CPXM2: variants seen among roughly 807,000 people sequenced by gnomAD.
CPXM2 encodes the protein carboxypeptidase X, M14 family member 2, also known as inactive carboxypeptidase-like protein X2.
In CPXM2, 66 loss-of-function variants were observed where a neutral mutation model predicts 86.1. The ratio of observed to expected loss-of-function variants is 0.77; its 90% CI spans 0.63 to 0.94. CPXM2 has a LOEUF of 0.94. Among genes scored for constraint, CPXM2 ranks in the 40% least tolerant of loss-of-function variants. The pLI is 0.00. For synonymous variants in CPXM2, 388 were observed against 400.2 expected (o/e 0.97, Z 0.36); for missense variants, 948 against 1,026.3 (o/e 0.92, Z 1.04).
At chr10:123,854,416 A>ATT (rs1475672190) in intron 3 of CPXM2, among the ~76,000 whole-genome samples, 1 of 120,650 alleles carries the variant, frequency 8.3e-6, no homozygotes, top group African/African-American at 3.4e-5. Context: ...TTATATATAA[A>ATT]ATATATAATA....
At chr10:123,766,077 C>A (rs1262826108) in intron 10 of CPXM2, among the ~76,000 whole-genome samples, 2 of 152,158 alleles carry the variant, frequency 1.3e-5, no homozygotes, top group Non-Finnish European at 2.9e-5. Context: ...AATTGAATTA[C>A]CTGAGAGAAA....
chr10:123,868,811 G>A (rs753378242), intron 2 of CPXM2, among the ~76,000 whole-genome samples: 2 of 152,100 alleles, frequency 1.3e-5, no homozygotes, highest in African/African-American at 4.8e-5. Context: ...AGACACTGAG[G>A]ACTGCATGGC....
chr10:123,849,334 T>C (rs1319124281), intron 3 of CPXM2, among the ~76,000 whole-genome samples: 2 of 152,142 alleles, frequency 1.3e-5, no homozygotes, highest in Middle Eastern at 3.2e-3. Context: ...CTCCCTACTA[T>C]AGGCAGTGAT....
At chr10:123,875,177 T>A (rs1944960944) in intron 2 of CPXM2, among the ~76,000 whole-genome samples, 1 of 152,168 alleles carries the variant, frequency 6.6e-6, no homozygotes, top group African/African-American at 2.4e-5. Context: ...ACTCTCCACA[T>A]TGTAAAGGAA....
Position 123,891,624 on chromosome 10 carries a change from G to A in CPXM2, c.36C>T (p.Ala12=), listed in dbSNP as rs1307668643. ...CCAGGGTCACTGCCAGGAGCACCAGGGCCAGCGCTGGGGTAGCGGTCCCCG... is the reference window on the plus strand; with the variant it reads ...CCAGGGTCACTGCCAGGAGCACCAGAGCCAGCGCTGGGGTAGCGGTCCCCG... ...SRPGTATPAL[A]LVLLAVTLAG... The change falls in exon 1 of 14, where the codon GCC becomes GCT. Residue 12 remains alanine, a synonymous_variant. Transcript: ENST00000241305. This position sits in a 1 kb window ranked among gnomAD's most constrained non-coding sequence, Gnocchi z 5.6. 3 of 1,485,508 alleles carry A rather than the reference G, an allele frequency of 2.0e-6. No individual in the cohort carries two copies. Among genetic ancestry groups the A allele is most frequent in the Admixed American group, 4.8e-5 (2 of 42,102 alleles). The allele number at this position is 1,485,508 out of a possible 1,614,324, so 92.0% of individuals were successfully genotyped here. A position where few individuals can be genotyped will look rare whatever the true frequency, so the allele number is the denominator to read the frequency against.
At chr10:123,925,553 C>A (rs955172735) in intron 2 of CPXM2, among the ~76,000 whole-genome samples, 2 of 152,158 alleles carry the variant, frequency 1.3e-5, no homozygotes, top group Non-Finnish European at 2.9e-5. Flanking sequence ...TTGTAAACAT[C>A]CTCTTGGAAA....
intron 13 of CPXM2, among the ~76,000 whole-genome samples, chr10:123,753,602 G>A (rs1396654982): frequency 2.0e-5 from 3 of 152,240 alleles, no homozygotes; most frequent in Non-Finnish European, 4.4e-5. Flanking sequence ...AAGCATGTAT[G>A]AGCGTTCTTT....
intron 2 of CPXM2, among the ~76,000 whole-genome samples, chr10:123,899,255 GTATACATAAAATCCATAAAT>G (rs1170921827): frequency 2.2e-5 from 3 of 134,440 alleles, no homozygotes; most frequent in African/African-American, 8.0e-5. Context: ...AATACATAAA[GTATACATAAAATCCATAAAT>G]TATACATAAA....
intron 2 of CPXM2, chr10:123,913,692 G>T (rs554888739): frequency 9.9e-6 from 2 of 202,022 alleles, no homozygotes; most frequent in African/African-American, 2.3e-5. Context: ...GTGAGGAGAG[G>T]AAGGAAAGAC....
At chr10:123,943,676 C>T (rs1400799847), upstream of CPXM2, among the ~76,000 whole-genome samples, 1 of 152,192 alleles carries the variant, frequency 6.6e-6, no homozygotes, top group Non-Finnish European at 1.5e-5. Context: ...CAGGTATGTG[C>T]CAACTGGCTG....
upstream of CPXM2, among the ~76,000 whole-genome samples, chr10:123,894,494 T>C (rs1391199285): frequency 2.0e-5 from 3 of 152,198 alleles, no homozygotes; most frequent in Admixed American, 6.5e-5. Flanking sequence ...GCACTGTTCC[T>C]GGAGCCTCCT....
At chr10:123,760,088 C>A (rs1159747995) in intron 11 of CPXM2, among the ~76,000 whole-genome samples, 1 of 152,130 alleles carries the variant, frequency 6.6e-6, no homozygotes, top group East Asian at 1.9e-4. Context: ...CTCAAGCTAC[C>A]GCATGGCTCT....
In CPXM2 at chr10:123,770,822, G is replaced by A. The variant is rs1589980080; in HGVS notation, c.1102+94C>T. On this transcript the variant is annotated intron_variant, in intron 8 of 13. Transcript: ENST00000241305. ...GTGGTGTGGACAGCTGATGCCCTGT[G>A]GCATGAATCTTCTCATAGGGTGAAC... 7 of 1,356,746 alleles carry A rather than the reference G, an allele frequency of 5.2e-6. No homozygotes were observed. The East Asian group carries it at 1.6e-4, about 31-fold the overall frequency. The allele number at this position is 1,356,746 out of a possible 1,614,324, so 84.0% of individuals were successfully genotyped here. A position where few individuals can be genotyped will look rare whatever the true frequency, so the allele number is the denominator to read the frequency against.
chr10:123,834,914 C>T (rs1479899267), intron 4 of CPXM2, among the ~76,000 whole-genome samples: 1 of 152,152 alleles, frequency 6.6e-6, no homozygotes, highest in Non-Finnish European at 1.5e-5. Context: ...CTCTTGCCTC[C>T]CCTCTCCCCA....
chr10:123,897,216 C>G (rs1945345264), intron 2 of CPXM2, among the ~76,000 whole-genome samples: 1 of 152,090 alleles, frequency 6.6e-6, no homozygotes, highest in Non-Finnish European at 1.5e-5. Context: ...TCGGGAGCCT[C>G]AATATCACTG....
At chr10:123,817,566 C>G (rs2058752265) in intron 4 of CPXM2, among the ~76,000 whole-genome samples, 1 of 152,136 alleles carries the variant, frequency 6.6e-6, no homozygotes, top group Admixed American at 6.5e-5. Flanking sequence ...TAAAGTGGGT[C>G]ATCCATAGCA....
chr10:123,875,807 C>CTTTTTT (rs780970130), intron 2 of CPXM2, among the ~76,000 whole-genome samples: 11 of 84,670 alleles, frequency 1.3e-4, no homozygotes, highest in Admixed American at 2.7e-4. Flanking sequence ...TCTTTTCTTT[C>CTTTTTT]TTTTTTTTTT....
At chr10:123,788,445 T>C (rs936711314) in intron 6 of CPXM2, among the ~76,000 whole-genome samples, 5 of 152,080 alleles carry the variant, frequency 3.3e-5, no homozygotes, top group South Asian at 4.1e-4. Flanking sequence ...GATACGAAAC[T>C]TCCCCCCTCC....
At chr10:123,819,207 T>C (rs1476467324) in intron 4 of CPXM2, among the ~76,000 whole-genome samples, 1 of 152,154 alleles carries the variant, frequency 6.6e-6, no homozygotes, top group Non-Finnish European at 1.5e-5. Context: ...AGGGAGAGTA[T>C]GCATGGACTA....
Sources: allele counts gnomAD v4.1 joint callset (sites outside exome capture counted in the v4.1 genomes callset), GRCh38; gene constraint gnomAD v4.1.1; non-coding constraint Gnocchi (gnomAD v3.1); transcripts MANE v1.5; gene names NCBI Gene and HGNC (gene_info 2026-07-23, HGNC 2026-07-21).